Variants in SBF2 observed in about 807,000 individuals in gnomAD.
The protein encoded by SBF2 is myotubularin-related protein 13.
Under a neutral mutation model 225.2 loss-of-function variants are expected in SBF2, and 112 were observed. The ratio of observed to expected loss-of-function variants is 0.50; its 90% CI spans 0.43 to 0.58. The LOEUF (loss-of-function observed/expected upper bound fraction) is 0.58. Among genes scored for constraint, SBF2 ranks in the 20% least tolerant of loss-of-function variants. The pLI is 0.00. For synonymous variants in SBF2, 763 were observed against 773.3 expected, an observed-to-expected ratio of 0.99 and a Z score of 0.22; for missense variants, 1,996 against 2,206.2, an observed-to-expected ratio of 0.90 and a Z score of 1.91.
chr11:9,914,025 T>C (rs1045778102), intron 16 of SBF2, among the ~76,000 whole-genome samples: 6 of 152,198 alleles, frequency 3.9e-5, no homozygotes, highest in African/African-American at 1.4e-4. Flanking sequence ...TCCTTTTACA[T>C]AGTATATCAC....
At chr11:9,958,071 T>A (rs1272357411) in intron 16 of SBF2, 1 of 152,046 alleles carries the variant, frequency 6.6e-6, no homozygotes. Flanking sequence ...ATAAGTCAGG[T>A]CTTCCCCTCT....
intron 2 of SBF2, among the ~76,000 whole-genome samples, chr11:10,048,955 A>AACT (rs1411108164): frequency 6.6e-6 from 1 of 152,200 alleles, no homozygotes; most frequent in Non-Finnish European, 1.5e-5. Context: ...ACCTTTAAGA[A>AACT]ACTACTATTC....
rs1732034063 is a variant in SBF2, at chr11:10,242,410, AATC to A, written c.56-48426_56-48424del. ...AAAAAAAGTATATTATTACAAAAAA[AATC>A]ATCATATCAAAGTGAAAACAGCAAT... On this transcript the variant is annotated intron_variant, in intron 1 of 39. Transcript: ENST00000256190. Among the ~76,000 whole-genome samples the A allele has an allele frequency of 5.9e-5, 9 of 152,224 alleles. No homozygotes were observed. In the South Asian group the frequency reaches 1.5e-3, roughly 25 times the overall value.
Position 10,042,904 on chromosome 11 carries a change from A to T in SBF2, c.219T>A (p.Ile73=). The T allele has an allele frequency of 1.2e-6, 2 of 1,614,070 alleles. No homozygotes were observed. The highest frequency in any genetic ancestry group is 1.7e-6 in the Non-Finnish European group (2 of 1,179,918). Residue 73 remains isoleucine (I), a synonymous_variant, in exon 3 of 40, where the codon ATT becomes ATA. Transcript: ENST00000256190. ...PTFFVVVLTD[I]DSDRHYCSCL... ...ATGAGCAGTAATGTCGATCTGAGTC[A>T]ATGTCTGTCAGGACAACCACAAAGA...
intron 1 of SBF2, among the ~76,000 whole-genome samples, chr11:10,292,466 G>A (rs2133620702): frequency 6.6e-6 from 1 of 152,228 alleles, no homozygotes; most frequent in South Asian, 2.1e-4. Context: ...TGGATCACGA[G>A]ATCAGGAGTT....
rs148108566 is a variant in SBF2, at chr11:9,846,837, T to C, written c.2934+119A>G. 521 of 1,141,390 alleles carry C rather than the reference T, an allele frequency of 4.6e-4. 2 individuals are homozygous for C. The African/African-American group carries it at 6.3e-3, about 14-fold the overall frequency. 70.7% of individuals were successfully genotyped at this position (1,141,390 alleles called of 1,614,324 possible). ...CTGATGACTACCCTCTCAGACCCTA[T>C]GATCTTCCCCATTCTCATCCTCTTA... On this transcript the variant is annotated intron_variant, in intron 23 of 39. Transcript: ENST00000256190.
intron 13 of SBF2, among the ~76,000 whole-genome samples, chr11:9,981,915 T>C (rs1946974563): frequency 6.6e-6 from 1 of 152,226 alleles, no homozygotes; most frequent in Non-Finnish European, 1.5e-5. Context: ...CCTGGAGGAC[T>C]ATAGTTCCGA....
intron 31 of SBF2, chr11:9,808,453 T>G: frequency 1.9e-6 from 1 of 523,438 alleles, no homozygotes; most frequent in East Asian, 3.6e-5. Context: ...CAGCAACCTT[T>G]TCCTAAGTTA....
chr11:10,132,445 T>A (rs553112468), intron 2 of SBF2, among the ~76,000 whole-genome samples: 1 of 150,756 alleles, frequency 6.6e-6, no homozygotes, highest in South Asian at 2.1e-4. Flanking sequence ...TGTTCAGATG[T>A]GTTTGGAGTT....
chr11:10,052,653 T>C (rs190508396), intron 2 of SBF2, among the ~76,000 whole-genome samples: 9 of 152,296 alleles, frequency 5.9e-5, no homozygotes, highest in African/African-American at 2.2e-4. Context: ...AACTTGCAAA[T>C]AGGCCATCCA....
chr11:9,965,802 G>T (rs945816866), intron 14 of SBF2, among the ~76,000 whole-genome samples: 9 of 152,090 alleles, frequency 5.9e-5, no homozygotes, highest in Non-Finnish European at 1.2e-4. Context: ...TTTTAATCAT[G>T]TAACATTAAT....
intron 28 of SBF2, among the ~76,000 whole-genome samples, chr11:9,818,791 G>A (rs1272935018): frequency 4.6e-5 from 7 of 151,990 alleles, no homozygotes; most frequent in African/African-American, 7.3e-5. Flanking sequence ...GCGTGATCTC[G>A]GCTCACCACA....
At chr11:9,885,262 A>C (rs867467032) in intron 17 of SBF2, among the ~76,000 whole-genome samples, 15 of 148,506 alleles carry the variant, frequency 1.0e-4, no homozygotes, top group Admixed American at 2.0e-4. Flanking sequence ...AAAAAAAAAA[A>C]AAAAAAAAAA....
intron 2 of SBF2, among the ~76,000 whole-genome samples, chr11:10,099,536 G>GT (rs1487261783): frequency 6.6e-6 from 1 of 152,048 alleles, no homozygotes; most frequent in Non-Finnish European, 1.5e-5. Context: ...ACTGGTAAAG[G>GT]TAAGTAGATA....
At chr11:9,879,533 C>A (rs1859560263) in intron 17 of SBF2, among the ~76,000 whole-genome samples, 1 of 152,154 alleles carries the variant, frequency 6.6e-6, no homozygotes, top group African/African-American at 2.4e-5. Flanking sequence ...CATTTGCCAG[C>A]TGGAGGACCT....
In SBF2 at chr11:9,970,667, G is replaced by C. The variant is rs1319735895; in HGVS notation, c.1396-2122C>G. Among the ~76,000 whole-genome samples, 9 of 152,160 alleles carry C rather than the reference G, an allele frequency of 5.9e-5. No homozygotes were observed. The East Asian group carries it at 1.7e-3, about 29-fold the overall frequency. Reference sequence around the variant, plus strand: ...TAAGTGTCAAAACACATGGGTTCCAGTTCTTGCTCTAGTCCTTATTATGTG... The same window carrying C: ...TAAGTGTCAAAACACATGGGTTCCACTTCTTGCTCTAGTCCTTATTATGTG... On this transcript the variant is annotated intron_variant, in intron 13 of 39. Coordinates refer to ENST00000256190, the MANE Select transcript of SBF2 (RefSeq NM_030962.4).
chr11:10,184,980 G>C lies in SBF2; in HGVS notation c.141+8922C>G, dbSNP rs141343135. On this transcript the variant is annotated intron_variant, in intron 2 of 39. Coordinates refer to ENST00000256190, the MANE Select transcript of SBF2 (RefSeq NM_030962.4). ...TAGTATTTGTGTTTTTTTGTGATTG[G>C]CTTATTTCCCTTAACATAGTGTCCC... is the stretch of plus-strand genomic sequence containing the variant. 1.6e-3 allele frequency among the ~76,000 whole-genome samples: 245 copies of C among 152,190 alleles called. 1 individual carries two copies. Among genetic ancestry groups the C allele is most frequent in the South Asian group, 0.015 (70 of 4,820 alleles).
At chr11:9,975,795 T>C (rs1188900493) in intron 13 of SBF2, among the ~76,000 whole-genome samples, 2 of 152,062 alleles carry the variant, frequency 1.3e-5, no homozygotes, top group Non-Finnish European at 2.9e-5. Flanking sequence ...GTAATCACAA[T>C]ATTTTACTTC....
At chr11:10,223,875 G>A (rs4385889) in intron 1 of SBF2, among the ~76,000 whole-genome samples, 32,235 of 151,918 alleles carry the variant, frequency 0.21, 4,133 homozygotes, top group Non-Finnish European at 0.3. Context: ...CAAGACTTGA[G>A]CTCACCACAA....
Sources: gnomAD v4.1 joint callset for allele counts (sites outside exome capture counted in the v4.1 genomes callset) on GRCh38, gnomAD v4.1.1 for gene constraint, MANE v1.5 for transcripts, NCBI Gene and HGNC (gene_info 2026-07-23, HGNC 2026-07-21) for gene names.